The following RABGAP1L variants were observed in gnomAD, a reference collection of about 807,000 sequenced individuals.
RABGAP1L encodes rab GTPase-activating protein 1-like.
In RABGAP1L, 63 loss-of-function variants were observed where a neutral mutation model predicts 137.7. The ratio of observed to expected loss-of-function variants is 0.46; its 90% CI spans 0.37 to 0.56. The LOEUF (loss-of-function observed/expected upper bound fraction) is 0.56, where lower values mean the gene tolerates loss of function less well. RABGAP1L is among the 20% of genes least tolerant of loss of function. The pLI is 0.00. For synonymous variants in RABGAP1L, 431 were observed against 433.7 expected, an observed-to-expected ratio of 0.99 and a Z score of 0.08; for missense variants, 1,095 against 1,244.0, an observed-to-expected ratio of 0.88 and a Z score of 1.80.
chr1:174,808,935 G>A (rs767136526), intron 18 of RABGAP1L, among the ~76,000 whole-genome samples: 11 of 151,996 alleles, frequency 7.2e-5, no homozygotes, highest in Non-Finnish European at 1.5e-4. Context: ...GGGAATACAG[G>A]TATGAGCCAC....
intron 2 of RABGAP1L, among the ~76,000 whole-genome samples, chr1:174,220,393 GT>G (rs1302077367): frequency 1.3e-5 from 2 of 152,146 alleles, no homozygotes; most frequent in Admixed American, 6.5e-5. Context: ...AGGGCCAGGC[GT>G]GGTGGCTCAT....
chr1:174,262,944 C>T (rs555263724), intron 7 of RABGAP1L, among the ~76,000 whole-genome samples: 2 of 152,318 alleles, frequency 1.3e-5, no homozygotes, highest in East Asian at 3.9e-4. Context: ...TTTTCTTGCT[C>T]TTGCTTATTG....
At chr1:174,866,118 A>G (rs1340289557) in intron 19 of RABGAP1L, among the ~76,000 whole-genome samples, 2 of 86,160 alleles carry the variant, frequency 2.3e-5, no homozygotes, top group African/African-American at 9.5e-5. Context: ...GGGGAGAGAG[A>G]GAGAGAGAGA....
intron 1 of RABGAP1L, among the ~76,000 whole-genome samples, chr1:174,172,109 G>C (rs1043212488): frequency 6.7e-6 from 1 of 150,012 alleles, no homozygotes; most frequent in African/African-American, 2.5e-5. Context: ...GTGTCCTCCA[G>C]GTTCATCTAT....
At chr1:174,557,411 A>G (rs1339265131) in intron 13 of RABGAP1L, among the ~76,000 whole-genome samples, 1 of 152,142 alleles carries the variant, frequency 6.6e-6, no homozygotes, top group Admixed American at 6.5e-5. Flanking sequence ...GCTATATACC[A>G]CCAGAGTATC....
chr1:174,497,466 C>A (rs1422153041), intron 13 of RABGAP1L, among the ~76,000 whole-genome samples: 1 of 152,150 alleles, frequency 6.6e-6, no homozygotes, highest in Non-Finnish European at 1.5e-5. Flanking sequence ...TTGTTTTCAG[C>A]CCTGTCCTTC....
intron 13 of RABGAP1L, among the ~76,000 whole-genome samples, chr1:174,412,286 C>G (rs1650027741): frequency 6.6e-6 from 1 of 151,954 alleles, no homozygotes; most frequent in South Asian, 2.1e-4. Context: ...GAACAGCCAC[C>G]CTTGCCCATT....
intron 1 of RABGAP1L, 61 bp downstream of exon 1, chr1:174,159,718 C>G (rs540644882): frequency 6.6e-5 from 10 of 152,578 alleles, no homozygotes; most frequent in African/African-American, 2.2e-4. Context: ...ATCCGCGGGC[C>G]GAGGCTGCCT....
intron 12 of RABGAP1L, among the ~76,000 whole-genome samples, chr1:174,385,245 T>C (rs1188914707): frequency 1.1e-4 from 16 of 152,192 alleles, no homozygotes; most frequent in Non-Finnish European, 2.9e-5. Context: ...CTGACTGTAT[T>C]TGCTTCTCTT....
At chr1:174,925,876 GTTTTTTTTTTGTGT>G (rs1662726679) in intron 19 of RABGAP1L, among the ~76,000 whole-genome samples, 2 of 108,672 alleles carry the variant, frequency 1.8e-5, no homozygotes, top group Non-Finnish European at 4.0e-5. Flanking sequence ...TTTTGTTTTT[GTTTTTTTTTTGTGT>G]TTTTTTTTTT....
intron 1 of RABGAP1L, among the ~76,000 whole-genome samples, chr1:174,185,989 CA>C (rs1486241186): frequency 6.6e-6 from 1 of 151,876 alleles, no homozygotes; most frequent in Non-Finnish European, 1.5e-5. Flanking sequence ...ACTAAAAATA[CA>C]AAATTAGCCA....
intron 10 of RABGAP1L, among the ~76,000 whole-genome samples, chr1:174,295,078 C>T (rs1469879465): frequency 6.6e-6 from 1 of 151,896 alleles, no homozygotes; most frequent in Non-Finnish European, 1.5e-5. Context: ...GCCACCATGC[C>T]CGGCTAATTT....
rs115857267 is a variant in RABGAP1L at position 174,409,757 on chromosome 1, A to G, written c.1710+15612A>G. 9.4e-3 allele frequency among the ~76,000 whole-genome samples: 1,435 copies of G among 152,088 alleles called. 22 individuals are homozygous for G. The highest frequency in any genetic ancestry group is 0.033 in the African/African-American group (1,374 of 41,472). On this transcript the variant is annotated intron_variant, in intron 13 of 25. Transcript: ENST00000681986. ...TCTGTCTTATGCAGTTGAGATAAGG[A>G]CTGAAATTCACCCTGGTCTCCTGCC...
At chr1:174,291,079 TTCTC>T (rs1444973996) in intron 10 of RABGAP1L, among the ~76,000 whole-genome samples, 1 of 152,150 alleles carries the variant, frequency 6.6e-6, no homozygotes, top group Non-Finnish European at 1.5e-5. Flanking sequence ...TCTTAATGCT[TTCTC>T]TATATATTAT....
intron 7 of RABGAP1L, among the ~76,000 whole-genome samples, chr1:174,256,553 C>T (rs144023059): frequency 1.3e-5 from 2 of 152,074 alleles, no homozygotes; most frequent in Admixed American, 6.5e-5. Context: ...GAGGCCGAGG[C>T]GGGCAGATCA....
chr1:174,441,053 AT>A (rs1372173919), intron 13 of RABGAP1L, among the ~76,000 whole-genome samples: 5 of 149,706 alleles, frequency 3.3e-5, no homozygotes, highest in African/African-American at 7.3e-5. Flanking sequence ...GAATAAAAGT[AT>A]TATATATATA....
At chr1:174,565,954 TG>T (rs959399531) in intron 13 of RABGAP1L, among the ~76,000 whole-genome samples, 50 of 151,452 alleles carry the variant, frequency 3.3e-4, no homozygotes, top group Middle Eastern at 3.4e-3. Flanking sequence ...GGCAATACCT[TG>T]CTCACTGCAG....
intron 13 of RABGAP1L, among the ~76,000 whole-genome samples, chr1:174,580,092 A>ACTTATGAAACTTATGTTACT (rs142639201): frequency 1.3e-5 from 2 of 152,160 alleles, no homozygotes; most frequent in Non-Finnish European, 2.9e-5. Flanking sequence ...GGTTTATTAT[A>ACTTATGAAACTTATGTTACT]TATGAAACCA....
At chr1:174,608,147 T>C (rs1038403659) in intron 13 of RABGAP1L, among the ~76,000 whole-genome samples, 2 of 152,208 alleles carry the variant, frequency 1.3e-5, no homozygotes, top group African/African-American at 4.8e-5. Context: ...CCATCCTAGC[T>C]TTCATATGTG....
Sources: gnomAD v4.1 joint callset for allele counts (sites outside exome capture counted in the v4.1 genomes callset) on GRCh38, gnomAD v4.1.1 for gene constraint, MANE v1.5 for transcripts, NCBI Gene and HGNC (gene_info 2026-07-23, HGNC 2026-07-21) for gene names.